Variants in ACTN4 observed in about 807,000 individuals in gnomAD.
ACTN4 encodes the protein actinin alpha 4, also known as alpha-actinin-4.
ACTN4 carries 18 observed loss-of-function variants against 114.2 expected under a neutral mutation model. The ratio of observed to expected loss-of-function variants is 0.16; its 90% confidence interval spans 0.11 to 0.23. ACTN4 has a LOEUF of 0.23. Among genes scored for constraint, ACTN4 ranks in the 10% least tolerant of loss-of-function variants. The pLI is 1.00. For missense variants in ACTN4, 722 were observed against 1,262.9 expected, an observed-to-expected ratio of 0.57 and a Z score of 6.49; for synonymous variants, 515 against 506.3, an observed-to-expected ratio of 1.02 and a Z score of -0.23.
At chr19:38,696,942 T>TG (rs1968114490) in intron 1 of ACTN4, among the ~76,000 whole-genome samples, 1 of 152,246 alleles carries the variant, frequency 6.6e-6, no homozygotes, top group South Asian at 2.1e-4. Flanking sequence ...TCCTTTGACA[T>TG]GCATTTAACA....
intron 1 of ACTN4, among the ~76,000 whole-genome samples, chr19:38,651,028 C>T (rs1337770698): frequency 2.6e-5 from 4 of 152,186 alleles, no homozygotes; most frequent in Non-Finnish European, 5.9e-5. Context: ...CCACTGCACC[C>T]AGACTGGCTG....
intron 8 of ACTN4, among the ~76,000 whole-genome samples, chr19:38,713,317 G>A (rs945704778): frequency 6.6e-6 from 1 of 152,184 alleles, no homozygotes; most frequent in Non-Finnish European, 1.5e-5. Flanking sequence ...TGATTCCCTT[G>A]CCTTGCGGCA....
chr19:38,713,287 G>A (rs934954832), intron 8 of ACTN4, among the ~76,000 whole-genome samples: 4 of 152,192 alleles, frequency 2.6e-5, no homozygotes, highest in East Asian at 1.9e-4. Flanking sequence ...AGCTGGATGC[G>A]GGAACTCAGC....
At chr19:38,705,473 G>A (rs2145011491) in intron 4 of ACTN4, among the ~76,000 whole-genome samples, 1 of 152,338 alleles carries the variant, frequency 6.6e-6, no homozygotes, top group East Asian at 1.9e-4. Context: ...GCACCTGTGT[G>A]CACACAGGAT....
Position 38,730,940 on chromosome 19 carries a change from A to G in ACTN4, c.*1508A>G, listed in dbSNP as rs1439566470. The G allele has an allele frequency of 1.9e-6, 3 of 1,550,186 alleles. No individual in the cohort carries two copies. The African/African-American group carries it at 4.1e-5, about 21-fold the overall frequency. ...GAGCTCGCAGGACAGAGCCTGAGCC[A>G]CCCTGTCCCTCCCACCTGGCTCACC... On this transcript the variant is annotated 3_prime_UTR_variant, in exon 21 of 21. Coordinates refer to ENST00000252699, the MANE Select transcript of ACTN4 (RefSeq NM_004924.6).
At chr19:38,654,816 T>C (rs1002018870) in intron 1 of ACTN4, among the ~76,000 whole-genome samples, 4 of 152,120 alleles carry the variant, frequency 2.6e-5, no homozygotes, top group Non-Finnish European at 5.9e-5. Context: ...AGAAGCTGAT[T>C]GGTGTAATTT....
At chr19:38,721,801 C>A in intron 12 of ACTN4, 113 bp downstream of exon 12, 1 of 1,479,314 alleles carries the variant, frequency 6.8e-7, no homozygotes, top group Non-Finnish European at 9.2e-7. Context: ...ATAGGGTCCC[C>A]AGTGCCCCAA....
chr19:38,691,606 C>CA (rs1366417484), intron 1 of ACTN4, among the ~76,000 whole-genome samples: 1 of 150,992 alleles, frequency 6.6e-6, no homozygotes, highest in African/African-American at 2.4e-5. Context: ...GACAGCACTC[C>CA]AAAATCCATC....
At position 38,723,698 on chromosome 19, in the gene ACTN4, A is replaced by G; in HGVS notation, c.1527A>G (p.Thr509=). 6.2e-7 allele frequency: 1 copy of G among 1,612,144 alleles called. No individual in the cohort carries two copies. The highest frequency in any genetic ancestry group is 8.5e-7 in the Non-Finnish European group (1 of 1,179,142). Residue 509 remains threonine (T), a synonymous_variant, in exon 13 of 21, where the codon ACA becomes ACG. Transcript: ENST00000252699. ...CDQWDALGSL[T]HSRREALEKT... ...AGTGGGACGCCCTCGGCTCTCTGAC[A>G]CATAGTCGCAGGGAAGCCCTGGAGG... is the stretch of plus-strand genomic sequence containing the variant.
intron 11 of ACTN4, among the ~76,000 whole-genome samples, chr19:38,720,329 G>A (rs565013719): frequency 6.6e-6 from 1 of 152,204 alleles, no homozygotes; most frequent in Non-Finnish European, 1.5e-5. Flanking sequence ...GCAATGGTCC[G>A]CTGCCCACAT....
chr19:38,726,651 T>C (rs1238512559), intron 17 of ACTN4, among the ~76,000 whole-genome samples: 1 of 152,198 alleles, frequency 6.6e-6, no homozygotes, highest in Non-Finnish European at 1.5e-5. Context: ...TTTGTTTTTT[T>C]CCCCTGAGAG....
At chr19:38,686,097 T>TC in intron 1 of ACTN4, among the ~76,000 whole-genome samples, 1 of 152,256 alleles carries the variant, frequency 6.6e-6, no homozygotes, top group African/African-American at 2.4e-5. Context: ...ACTGGGGAAT[T>TC]CCCGGGGTCC....
At position 38,729,506 on chromosome 19, in the gene ACTN4, C is replaced by A; in HGVS notation, c.*74C>A. The A allele has an allele frequency of 1.4e-6, 2 of 1,446,840 alleles. No homozygotes were observed. The highest frequency in any genetic ancestry group is 2.8e-5 in the East Asian group (1 of 35,586). 89.6% of individuals were successfully genotyped at this position (1,446,840 alleles called of 1,614,324 possible). ...TGGGCAGCCCCACAGTCCCATTCCTCCACTCTGTATCTATGCAAAGCACTC... is the reference window on the plus strand; with the variant it reads ...TGGGCAGCCCCACAGTCCCATTCCTACACTCTGTATCTATGCAAAGCACTC... On this transcript the variant is annotated 3_prime_UTR_variant, in exon 21 of 21. Coordinates refer to ENST00000252699, the MANE Select transcript of ACTN4 (RefSeq NM_004924.6).
At position 38,721,529 on chromosome 19, in the gene ACTN4, T is replaced by C. The variant is rs1599852681; in HGVS notation, c.1292-9T>C. On this transcript the variant is annotated splice_polypyrimidine_tract_variant and intron_variant, in intron 11 of 20. Coordinates refer to ENST00000252699, the MANE Select transcript of ACTN4 (RefSeq NM_004924.6). The stretch of plus-strand genomic sequence containing the variant: ...TGCTGTGGTCTAAGCGTCTCTCTGC[T>C]CCTACCAGGGAAGGAAGCCATGCTG... 6.2e-7 allele frequency: 1 copy of C among 1,613,608 alleles called. No homozygotes were observed. Among genetic ancestry groups the C allele is most frequent in the Non-Finnish European group, 8.5e-7 (1 of 1,179,996 alleles).
chr19:38,692,114 T>G (rs1259740492), intron 1 of ACTN4, among the ~76,000 whole-genome samples: 2 of 152,170 alleles, frequency 1.3e-5, no homozygotes, highest in Non-Finnish European at 2.9e-5. Context: ...AAGTCAGAGC[T>G]TTTTCATGCA....
chr19:38,663,716 G>GC (rs1274972652), intron 1 of ACTN4, among the ~76,000 whole-genome samples: 1 of 152,186 alleles, frequency 6.6e-6, no homozygotes, highest in African/African-American at 2.4e-5. Flanking sequence ...TCTTCGGGGA[G>GC]CTGCTGGTTT....
rs757405069 is a variant in ACTN4, at chr19:38,724,253, A to G, written c.1789A>G (p.Ile597Val). 19 of 1,613,970 alleles carry G rather than the reference A, an allele frequency of 1.2e-5. No individual in the cohort carries two copies. The East Asian group carries it at 4.2e-4, about 36-fold the overall frequency. ...GGCCATCCACAAGGAGGCCCAGAGG[A>G]TCGCTGAGAGCAACCACATCAAGCT... ...ILAIHKEAQR[I>V]AESNHIKLSG... The change falls in exon 15 of 21, where the codon ATC becomes GTC. Residue 597 changes from isoleucine to valine, a missense_variant. This residue lies in a region of ACTN4 where 523 missense variants were observed against 875.9 expected (regional missense o/e 0.60). Coordinates refer to ENST00000252699, the MANE Select transcript of ACTN4 (RefSeq NM_004924.6). The surrounding 1 kb of genome is among the most constrained non-coding windows in gnomAD (Gnocchi z 7.0).
At chr19:38,701,719 C>A (rs1954538705) in intron 3 of ACTN4, among the ~76,000 whole-genome samples, 1 of 152,240 alleles carries the variant, frequency 6.6e-6, no homozygotes, top group African/African-American at 2.4e-5. Flanking sequence ...ACTAGAGCAG[C>A]AGGCTCTCAG....
intron 1 of ACTN4, among the ~76,000 whole-genome samples, chr19:38,695,155 T>C (rs1384187506): frequency 6.6e-6 from 1 of 152,186 alleles, no homozygotes; most frequent in Non-Finnish European, 1.5e-5. Flanking sequence ...GATTACATGG[T>C]GTGTGCCACC....
Sources: allele counts gnomAD v4.1 joint callset (sites outside exome capture counted in the v4.1 genomes callset), GRCh38; gene constraint gnomAD v4.1.1; regional missense constraint gnomAD v4.1.1; non-coding constraint Gnocchi (gnomAD v3.1); transcripts MANE v1.5; gene names NCBI Gene and HGNC (gene_info 2026-07-23, HGNC 2026-07-21).